The following METTL15 variants were observed in gnomAD, a reference collection of about 807,000 sequenced individuals.
METTL15 encodes 12S rRNA N(4)-cytidine methyltransferase METTL15.
METTL15 carries 34 observed loss-of-function variants against 38.3 expected under a neutral mutation model. The observed-to-expected ratio is 0.89, with a 90% CI of 0.68 to 1.18. METTL15 has a LOEUF of 1.18. Among genes scored for constraint, METTL15 ranks in the 50% most tolerant of loss-of-function variants. METTL15 has a pLI of 0.00. For synonymous variants in METTL15, 162 were observed against 170.9 expected, an observed-to-expected ratio of 0.95 and a Z score of 0.41; for missense variants, 438 against 498.4, an observed-to-expected ratio of 0.88 and a Z score of 1.15.
intron 5 of METTL15, among the ~76,000 whole-genome samples, chr11:28,369,016 AG>A (rs1331748342): frequency 6.6e-6 from 1 of 151,828 alleles, no homozygotes; most frequent in Non-Finnish European, 1.5e-5. Context: ...GTGGGGAGCT[AG>A]GGGAGGGATA....
At chr11:28,243,280 T>C (rs1013885906) in intron 4 of METTL15, among the ~76,000 whole-genome samples, 2 of 152,164 alleles carry the variant, frequency 1.3e-5, no homozygotes, top group Non-Finnish European at 2.9e-5. Flanking sequence ...TGTGGAAATA[T>C]TGGTAAAATT....
chr11:28,386,716 A>C (rs1373722059), intron 5 of METTL15, among the ~76,000 whole-genome samples: 5 of 152,030 alleles, frequency 3.3e-5, no homozygotes, highest in Admixed American at 6.6e-5. Context: ...AATTGCACCT[A>C]ACAGACACAT....
At chr11:28,378,873 C>A (rs1564912735) in intron 5 of METTL15, among the ~76,000 whole-genome samples, 2 of 148,614 alleles carry the variant, frequency 1.3e-5, no homozygotes, top group African/African-American at 4.9e-5. Flanking sequence ...TAATAAGAGA[C>A]TTTTTATTAC....
At chr11:28,464,678 G>A (rs543492314) in intron 6 of METTL15, among the ~76,000 whole-genome samples, 3 of 152,254 alleles carry the variant, frequency 2.0e-5, no homozygotes, top group South Asian at 2.1e-4. Context: ...AAATGCTGTC[G>A]TATGCCTGTG....
chr11:28,405,812 A>G (rs1039588421), intron 5 of METTL15, among the ~76,000 whole-genome samples: 5 of 152,286 alleles, frequency 3.3e-5, no homozygotes, highest in African/African-American at 1.2e-4. Context: ...ATACATAGCC[A>G]CTATTTTATG....
chr11:28,227,499 G>T (rs1853529238), intron 4 of METTL15, among the ~76,000 whole-genome samples: 1 of 151,816 alleles, frequency 6.6e-6, no homozygotes, highest in Non-Finnish European at 1.5e-5. Context: ...ATTCTGGCAA[G>T]AGAGAGAATT....
At chr11:28,316,848 GACTT>G (rs1249719130) in intron 6 of METTL15, among the ~76,000 whole-genome samples, 1 of 152,122 alleles carries the variant, frequency 6.6e-6, no homozygotes, top group African/African-American at 2.4e-5. Context: ...TGTAAGACGT[GACTT>G]ACTCCTTCTT....
chr11:28,445,299 C>A (rs182171569), intron 6 of METTL15, among the ~76,000 whole-genome samples: 29 of 152,228 alleles, frequency 1.9e-4, no homozygotes, highest in African/African-American at 6.0e-4. Flanking sequence ...TTCAGATTAA[C>A]CAGTTTTAAA....
intron 5 of METTL15, among the ~76,000 whole-genome samples, chr11:28,294,919 TA>T (rs2133998206): frequency 6.6e-6 from 1 of 152,272 alleles, no homozygotes; most frequent in South Asian, 2.1e-4. Context: ...CATAGAAAAG[TA>T]TAATTAAAAA....
chr11:28,156,230 T>C (rs1039435625), intron 3 of METTL15, among the ~76,000 whole-genome samples: 1 of 152,284 alleles, frequency 6.6e-6, no homozygotes, highest in Admixed American at 6.5e-5. Flanking sequence ...TCCTGAAAGG[T>C]ACCCAGTTGA....
intron 3 of METTL15, among the ~76,000 whole-genome samples, chr11:28,158,204 T>G (rs1301806176): frequency 6.6e-6 from 1 of 152,136 alleles, no homozygotes; most frequent in African/African-American, 2.4e-5. Context: ...GTGAAGATAT[T>G]TGCATCTCAC....
chr11:28,175,447 CTTAGGG>C lies in METTL15; in HGVS notation c.271-35613_271-35608del, dbSNP rs386752021. Among the ~76,000 whole-genome samples, 196 of 152,118 alleles carry C rather than the reference CTTAGGG, an allele frequency of 1.3e-3. 1 individual carries two copies. The highest frequency in any genetic ancestry group is 4.5e-3 in the African/African-American group (187 of 41,502). On this transcript the variant is annotated intron_variant, in intron 3 of 6. Transcript: ENST00000407364. ...CTTTATAGCAGCATGATTTATAATC[CTTAGGG>C]TATATACCCAGTAATGGGATTGCTG...
intron 5 of METTL15, among the ~76,000 whole-genome samples, chr11:28,407,314 G>T (rs4923537): frequency 0.069 from 10,555 of 152,156 alleles, 550 homozygotes; most frequent in African/African-American, 0.14. Context: ...TGACAAATGG[G>T]ATCTAATTAA....
At chr11:28,455,520 G>C (rs914242114) in intron 6 of METTL15, among the ~76,000 whole-genome samples, 3 of 151,906 alleles carry the variant, frequency 2.0e-5, no homozygotes, top group Non-Finnish European at 4.4e-5. Flanking sequence ...GCCCTATTGA[G>C]GTCAGAGAAC....
chr11:28,249,546 C>G (rs1032309237), intron 4 of METTL15, among the ~76,000 whole-genome samples: 7 of 151,718 alleles, frequency 4.6e-5, no homozygotes, highest in Admixed American at 4.6e-4. Context: ...TTCTTGTTGC[C>G]TTGTGTTTTA....
chr11:28,328,358 A>C (rs767120392), intron 6 of METTL15, among the ~76,000 whole-genome samples: 1 of 152,166 alleles, frequency 6.6e-6, no homozygotes. Flanking sequence ...TGATTCATGT[A>C]AGATATTATT....
At chr11:28,381,407 G>A (rs1219559528) in intron 5 of METTL15, among the ~76,000 whole-genome samples, 1 of 152,026 alleles carries the variant, frequency 6.6e-6, no homozygotes, top group Non-Finnish European at 1.5e-5. Flanking sequence ...TCTTTTGCAA[G>A]TTTTGTAGTC....
chr11:28,178,178 C>A (rs1851146793), intron 3 of METTL15, among the ~76,000 whole-genome samples: 1 of 151,772 alleles, frequency 6.6e-6, no homozygotes, highest in Non-Finnish European at 1.5e-5. Flanking sequence ...CAGGAATATG[C>A]CATTATGAAT....
At chr11:28,361,707 A>C (rs1353623385) in intron 4 of METTL15, among the ~76,000 whole-genome samples, 1 of 152,120 alleles carries the variant, frequency 6.6e-6, no homozygotes, top group East Asian at 1.9e-4. Flanking sequence ...TATTTAATAA[A>C]TATTTATTTA....
Sources: gnomAD v4.1 joint callset for allele counts (sites outside exome capture counted in the v4.1 genomes callset) on GRCh38, gnomAD v4.1.1 for gene constraint, MANE v1.5 for transcripts, NCBI Gene and HGNC (gene_info 2026-07-23, HGNC 2026-07-21) for gene names.